The following DPF3 variants were observed in gnomAD, a reference collection of about 807,000 sequenced individuals.
The protein encoded by DPF3 is double PHD fingers 3, also known as zinc finger protein DPF3.
In DPF3, 18 loss-of-function variants were observed where a neutral mutation model predicts 56.8. That is an observed-to-expected ratio of 0.32 (90% confidence interval 0.22 to 0.47). The LOEUF (loss-of-function observed/expected upper bound fraction) is 0.47. Among genes scored for constraint, DPF3 ranks in the 20% least tolerant of loss-of-function variants. DPF3 has a pLI of 1.00. For synonymous variants in DPF3, 188 were observed against 180.2 expected, an observed-to-expected ratio of 1.04 and a Z score of -0.35; for missense variants, 403 against 488.8, an observed-to-expected ratio of 0.82 and a Z score of 1.65.
intron 1 of DPF3, among the ~76,000 whole-genome samples, chr14:72,851,220 C>T (rs1238864698): frequency 1.3e-5 from 2 of 152,224 alleles, no homozygotes; most frequent in Non-Finnish European, 2.9e-5. Flanking sequence ...TCCTCAATCC[C>T]TCATCAGCCT....
intron 1 of DPF3, among the ~76,000 whole-genome samples, chr14:72,847,644 T>C (rs1337569011): frequency 1.3e-5 from 2 of 152,136 alleles, no homozygotes; most frequent in African/African-American, 4.8e-5. Context: ...CCCGAGTAGC[T>C]GGGATTACAG....
chr14:72,856,811 G>A (rs555926808), intron 1 of DPF3, among the ~76,000 whole-genome samples: 17 of 152,318 alleles, frequency 1.1e-4, no homozygotes, highest in Admixed American at 2.6e-4. Context: ...AGCTCTGTGC[G>A]GAGGGGCTGA....
chr14:72,720,337 A>G (rs1567211094), intron 5 of DPF3, among the ~76,000 whole-genome samples: 1 of 136,002 alleles, frequency 7.4e-6, no homozygotes, highest in Non-Finnish European at 1.7e-5. Flanking sequence ...CTAAAACATA[A>G]TAATTATAAA....
chr14:72,771,886 C>T lies in DPF3; in HGVS notation c.40G>A (p.Asp14Asn). ...TCAATGGCTTCCTTGTAGAACTGGT[C>T]CCCGAGCCTGCCAGAGTCAGAGAGT... ...VIHNPLKALGDQFYKEAIEHC... is the reference protein window; with the variant it reads ...VIHNPLKALGNQFYKEAIEHC... The change falls in exon 2 of 11, where the codon GAC becomes AAC. Residue 14 changes from aspartate to asparagine, a missense_variant. Asp to Asn is a conservative substitution (Grantham distance 23, BLOSUM62 1). Around this residue, in one of 2 missense-constraint regions of DPF3, gnomAD observed 340 missense variants for 374.3 expected, o/e 0.91. Coordinates refer to ENST00000556509, the MANE Select transcript of DPF3 (RefSeq NM_001280542.3). The T allele has an allele frequency of 3.2e-6, 5 of 1,585,846 alleles. No individual in the cohort carries two copies. The Admixed American group carries it at 5.2e-5, about 16-fold the overall frequency.
intron 1 of DPF3, chr14:72,773,848 T>A: frequency 2.2e-6 from 1 of 455,546 alleles, no homozygotes; most frequent in South Asian, 1.6e-5. Flanking sequence ...TAATATTTTT[T>A]AAGTCAGAAT....
chr14:72,754,013 A>G (rs968760576), intron 2 of DPF3, among the ~76,000 whole-genome samples: 7 of 151,748 alleles, frequency 4.6e-5, no homozygotes, highest in African/African-American at 1.7e-4. Context: ...GGCCTTACAA[A>G]AAAAAAAAAA....
intron 5 of DPF3, among the ~76,000 whole-genome samples, chr14:72,717,962 G>T (rs1889000606): frequency 6.6e-6 from 1 of 152,228 alleles, no homozygotes; most frequent in Non-Finnish European, 1.5e-5. Flanking sequence ...TTGATTGGCT[G>T]GCTCGGGAGT....
chr14:72,676,452 G>A (rs1311535617), intron 7 of DPF3, among the ~76,000 whole-genome samples: 5 of 152,222 alleles, frequency 3.3e-5, no homozygotes, highest in Non-Finnish European at 7.3e-5. Flanking sequence ...CATGACGTAT[G>A]AGGATGAGTA....
chr14:72,720,589 T>A (rs1283274473), intron 5 of DPF3, among the ~76,000 whole-genome samples: 1 of 152,170 alleles, frequency 6.6e-6, no homozygotes. Context: ...GTCTCTCATC[T>A]CCCCTACAGC....
chr14:72,824,753 G>C (rs1474120248), intron 1 of DPF3, among the ~76,000 whole-genome samples: 1 of 151,968 alleles, frequency 6.6e-6, no homozygotes, highest in Non-Finnish European at 1.5e-5. Flanking sequence ...TGTATTTTTA[G>C]TAGAGATGGG....
At chr14:72,671,647 G>A (rs992569095) in intron 8 of DPF3, among the ~76,000 whole-genome samples, 30 of 152,192 alleles carry the variant, frequency 2.0e-4, no homozygotes, top group Non-Finnish European at 4.1e-4. Context: ...GCGCTTGCAC[G>A]CTCACTCAAC....
chr14:72,811,705 T>C (rs961289793), intron 1 of DPF3, among the ~76,000 whole-genome samples: 5 of 152,194 alleles, frequency 3.3e-5, no homozygotes, highest in African/African-American at 7.2e-5. Context: ...AAACAAGACA[T>C]AGGCCCTGCC....
chr14:72,639,085 G>C (rs1885469513), intron 8 of DPF3, among the ~76,000 whole-genome samples: 1 of 152,308 alleles, frequency 6.6e-6, no homozygotes, highest in African/African-American at 2.4e-5. Context: ...CCAAAGTGCT[G>C]GGATTACAGG....
chr14:72,822,981 C>T (rs537029691), intron 1 of DPF3, among the ~76,000 whole-genome samples: 51 of 152,332 alleles, frequency 3.3e-4, no homozygotes, highest in South Asian at 1.0e-3. Flanking sequence ...TCGCTCCCAT[C>T]GGACTAGAAT....
At chr14:72,852,371 T>G (rs527320563) in intron 1 of DPF3, among the ~76,000 whole-genome samples, 2 of 152,316 alleles carry the variant, frequency 1.3e-5, no homozygotes, top group Non-Finnish European at 2.9e-5. Flanking sequence ...CGTAGGAGTC[T>G]GTGGGAGGAG....
chr14:72,809,009 T>G (rs1882914513), intron 1 of DPF3, among the ~76,000 whole-genome samples: 1 of 152,198 alleles, frequency 6.6e-6, no homozygotes. Context: ...GCTCTAATAT[T>G]CATACTCTCA....
chr14:72,727,286 C>T (rs1889443886), intron 4 of DPF3, among the ~76,000 whole-genome samples: 1 of 152,214 alleles, frequency 6.6e-6, no homozygotes, highest in South Asian at 2.1e-4. Flanking sequence ...GAGGTTAAAT[C>T]CCTCAACTCG....
intron 1 of DPF3, among the ~76,000 whole-genome samples, chr14:72,807,435 A>T (rs1368444442): frequency 6.6e-5 from 10 of 152,204 alleles, no homozygotes; most frequent in African/African-American, 2.4e-4. Flanking sequence ...GCCTGTGATG[A>T]TACTGACTCC....
chr14:72,758,777 C>G (rs1490901193), intron 2 of DPF3, among the ~76,000 whole-genome samples: 5 of 152,144 alleles, frequency 3.3e-5, no homozygotes, highest in Non-Finnish European at 5.9e-5. Context: ...TGCTCTGGCT[C>G]CACCTAACAA....
Sources: gnomAD v4.1 joint callset for allele counts (sites outside exome capture counted in the v4.1 genomes callset) on GRCh38, gnomAD v4.1.1 for gene constraint, gnomAD v4.1.1 regional missense constraint, MANE v1.5 for transcripts, NCBI Gene and HGNC (gene_info 2026-07-23, HGNC 2026-07-21) for gene names.